MYLK: variants seen among roughly 807,000 people sequenced by gnomAD.
MYLK encodes the protein myosin light chain kinase.
MYLK carries 106 observed loss-of-function variants against 203.4 expected under a neutral mutation model. That is an observed-to-expected ratio of 0.52 (90% CI 0.45 to 0.61). The LOEUF is 0.61. Among genes scored for constraint, MYLK ranks in the 20% least tolerant of loss-of-function variants. MYLK has a pLI of 0.00. For synonymous variants in MYLK, 867 were observed against 959.5 expected (o/e 0.90, Z 1.78); for missense variants, 2,072 against 2,442.3 (o/e 0.85, Z 3.20).
intron 2 of MYLK, among the ~76,000 whole-genome samples, chr3:123,871,141 T>C (rs938110455): frequency 6.6e-6 from 1 of 152,130 alleles, no homozygotes; most frequent in African/African-American, 2.4e-5. Flanking sequence ...TCCTAATAAA[T>C]GCTTAGAGGT....
intron 1 of MYLK, among the ~76,000 whole-genome samples, chr3:123,879,763 T>C (rs1034264759): frequency 5.3e-5 from 8 of 152,144 alleles, no homozygotes; most frequent in Non-Finnish European, 8.8e-5. Context: ...GCCTCCCGAG[T>C]TGCTGGGACT....
chr3:123,685,951 T>C (rs996444837), intron 19 of MYLK, among the ~76,000 whole-genome samples: 1 of 152,122 alleles, frequency 6.6e-6, no homozygotes, highest in African/African-American at 2.4e-5. Flanking sequence ...GTGGCCGCGC[T>C]CCACTTGAAG....
chr3:123,855,574 G>A (rs2031290358), intron 2 of MYLK, among the ~76,000 whole-genome samples: 1 of 151,930 alleles, frequency 6.6e-6, no homozygotes, highest in Non-Finnish European at 1.5e-5. Flanking sequence ...AGGAGTTGGA[G>A]GCTACAGTGA....
At chr3:123,784,059 A>G (rs763712879) in intron 4 of MYLK, among the ~76,000 whole-genome samples, 3 of 152,208 alleles carry the variant, frequency 2.0e-5, no homozygotes, top group Admixed American at 6.5e-5. Flanking sequence ...CTGCTTTCCC[A>G]TTATGAATAT....
intron 20 of MYLK, among the ~76,000 whole-genome samples, chr3:123,670,183 G>C (rs1477845889): frequency 6.6e-6 from 1 of 151,200 alleles, no homozygotes; most frequent in Non-Finnish European, 1.5e-5. Flanking sequence ...TAAATAGAAA[G>C]TTATAAAAAA....
At chr3:123,709,008 C>G in intron 14 of MYLK, 113 bp from the exon 15 acceptor site, 1 of 838,126 alleles carries the variant, frequency 1.2e-6, no homozygotes, top group South Asian at 1.7e-5. Context: ...ACTCTCTATG[C>G]TTTCACTTCC....
chr3:123,687,601 T>C, intron 19 of MYLK, among the ~76,000 whole-genome samples: 1 of 147,224 alleles, frequency 6.8e-6, no homozygotes, highest in African/African-American at 2.6e-5. Flanking sequence ...CCTTCCTTCC[T>C]TCCTTCCTAC....
intron 28 of MYLK, among the ~76,000 whole-genome samples, 166 bp from the exon 29 acceptor site, chr3:123,638,360 C>T (rs751034392): frequency 2.0e-5 from 3 of 152,060 alleles, no homozygotes; most frequent in South Asian, 2.1e-4. Flanking sequence ...TAAACAGGTG[C>T]GTCAACACAC....
chr3:123,859,938 A>G (rs1193218847), intron 2 of MYLK, among the ~76,000 whole-genome samples: 2 of 151,716 alleles, frequency 1.3e-5, no homozygotes, highest in Non-Finnish European at 2.9e-5. Context: ...TAAGTGATGG[A>G]TTCTTTAATA....
intron 3 of MYLK, among the ~76,000 whole-genome samples, chr3:123,820,586 A>G (rs1021306503): frequency 1.3e-5 from 2 of 151,562 alleles, no homozygotes; most frequent in African/African-American, 4.9e-5. Context: ...CCCATGGACT[A>G]TTCAGCTAAG....
chr3:123,737,418 C>A lies in MYLK; in HGVS notation c.714G>T (p.Gly238=). The change falls in exon 8 of 34, where the codon GGG becomes GGT. Residue 238 remains glycine (G), a synonymous_variant. Transcript: ENST00000360304. Reference sequence around the variant, plus strand: ...CAGCTGACATCGAGGCCTTCCCCGACCCGTTCACCACCAGGCACGTGTACA... The same window carrying A: ...CAGCTGACATCGAGGCCTTCCCCGAACCGTTCACCACCAGGCACGTGTACA... ...VGVYTCLVVN[G]SGKASMSAEL... 8 of 1,614,148 alleles carry A rather than the reference C, an allele frequency of 5.0e-6. No homozygotes were observed. The highest frequency in any genetic ancestry group is 6.8e-6 in the Non-Finnish European group (8 of 1,180,028).
intron 4 of MYLK, among the ~76,000 whole-genome samples, chr3:123,786,009 T>C (rs949943386): frequency 6.6e-6 from 1 of 152,044 alleles, no homozygotes; most frequent in South Asian, 2.1e-4. Context: ...ATTAAAAAAC[T>C]GATAAAGAGT....
chr3:123,708,829 T>G lies in MYLK; in HGVS notation c.2009A>C (p.His670Pro), dbSNP rs1057524740. 1.9e-6 allele frequency: 3 copies of G among 1,614,058 alleles called. No individual in the cohort carries two copies. The highest frequency in any genetic ancestry group is 4.5e-5 in the East Asian group (2 of 44,894). Residue 670 changes from histidine (H) to proline (P), a missense_variant, in exon 15 of 34, where the codon CAC becomes CCC. Around this residue, in one of 3 missense-constraint regions of MYLK, gnomAD observed 865 missense variants for 1,016.0 expected, o/e 0.85. Coordinates refer to ENST00000360304, the MANE Select transcript of MYLK (RefSeq NM_053025.4). ...GNEIQESEDF[H>P]FEQRGTQHSL... ...GTGCTGAGTTCCTCTCTGTTCAAAG[T>G]GGAAGTCCTCTGACTCTTGGATCTC... is the stretch of plus-strand genomic sequence containing the variant.
chr3:123,710,538 C>T (rs1237041106), intron 13 of MYLK, among the ~76,000 whole-genome samples: 1 of 152,172 alleles, frequency 6.6e-6, no homozygotes, highest in African/African-American at 2.4e-5. Context: ...AAAGACACTA[C>T]ACTCATTAGA....
chr3:123,840,045 A>C (rs1008323259), intron 2 of MYLK, among the ~76,000 whole-genome samples: 2 of 152,132 alleles, frequency 1.3e-5, no homozygotes, highest in Non-Finnish European at 2.9e-5. Context: ...GGGATGCAGG[A>C]AAAGGTCAGA....
chr3:123,729,614 G>A (rs1320145052), intron 11 of MYLK, among the ~76,000 whole-genome samples: 2 of 152,236 alleles, frequency 1.3e-5, no homozygotes, highest in Non-Finnish European at 2.9e-5. Context: ...GGGTGTGGCA[G>A]CTCATGCCTG....
rs147775049 is a variant in MYLK, at chr3:123,834,568, TA to T, written c.-126-2899del. On this transcript the variant is annotated intron_variant, in intron 2 of 33. Transcript: ENST00000360304. ...AGGCAGGTTGCACGGGGTTAAGGGT[TA>T]GGGGGATTGAGGGAGCATTGGGATG... Among the ~76,000 whole-genome samples the T allele has an allele frequency of 3.6e-3, 548 of 151,828 alleles. 4 individuals carry two copies. Among genetic ancestry groups the T allele is most frequent in the South Asian group, 0.011 (53 of 4,792 alleles).
At chr3:123,851,575 GATTT>G (rs1248492927) in intron 2 of MYLK, among the ~76,000 whole-genome samples, 2 of 152,188 alleles carry the variant, frequency 1.3e-5, no homozygotes, top group Non-Finnish European at 2.9e-5. Flanking sequence ...GAATGCTTGT[GATTT>G]TTGCACATTG....
At position 123,629,345 on chromosome 3, in the gene MYLK, CAG is replaced by C; in HGVS notation, c.5114+127_5114+128del. On this transcript the variant is annotated intron_variant, in intron 30 of 33. Transcript: ENST00000360304. This position sits in a 1 kb window ranked among gnomAD's most constrained non-coding sequence, Gnocchi z 4.4. ...CTTACCATGCCCACCCTCCCTTCCTCAGGGAATGCTAGGAACGACCCAAGGCG... is the reference window on the plus strand; with the variant it reads ...CTTACCATGCCCACCCTCCCTTCCTCGGAATGCTAGGAACGACCCAAGGCG... 8.6e-7 allele frequency: 1 copy of C among 1,165,418 alleles called. No homozygotes were observed. The highest frequency in any genetic ancestry group is 1.2e-6 in the Non-Finnish European group (1 of 807,590). The allele number at this position is 1,165,418 out of a possible 1,614,324, so 72.2% of individuals were successfully genotyped here. A position where few individuals can be genotyped will look rare whatever the true frequency, so the allele number is the denominator to read the frequency against.
Sources: allele counts gnomAD v4.1 joint callset (sites outside exome capture counted in the v4.1 genomes callset), GRCh38; gene constraint gnomAD v4.1.1; regional missense constraint gnomAD v4.1.1; non-coding constraint Gnocchi (gnomAD v3.1); transcripts MANE v1.5; gene names NCBI Gene and HGNC (gene_info 2026-07-23, HGNC 2026-07-21).